HEPHL1: variants seen among roughly 807,000 people sequenced by gnomAD.
The protein encoded by HEPHL1 is ferroxidase HEPHL1.
HEPHL1 carries 123 observed loss-of-function variants against 122.0 expected under a neutral mutation model. The observed-to-expected ratio is 1.01, with a 90% CI of 0.87 to 1.17. HEPHL1 has a LOEUF of 1.17. Ranked by LOEUF, HEPHL1 falls within the 50% of genes most tolerant of loss-of-function variation. The pLI is 0.00. For synonymous variants in HEPHL1, 527 were observed against 508.9 expected, an observed-to-expected ratio of 1.04 and a Z score of -0.48; for missense variants, 1,452 against 1,430.5, an observed-to-expected ratio of 1.01 and a Z score of -0.24.
intron 1 of HEPHL1, among the ~76,000 whole-genome samples, chr11:94,045,131 C>G (rs1338412079): frequency 6.6e-6 from 1 of 152,210 alleles, no homozygotes; most frequent in East Asian, 1.9e-4. Context: ...TGGTCTCAAA[C>G]TCCTAGGCTC....
In HEPHL1 at chr11:94,049,252, C is replaced by G. The variant is rs1405474114; in HGVS notation, c.415+3335C>G. On this transcript the variant is annotated intron_variant, in intron 2 of 19. Coordinates refer to ENST00000315765, the MANE Select transcript of HEPHL1 (RefSeq NM_001098672.2). ...CACTAATCATTGGGGAAATGCAAAT[C>G]AGAACTACAATGAGATCTCATCTTA... 2.6e-5 allele frequency among the ~76,000 whole-genome samples: 4 copies of G among 151,958 alleles called. No individual in the cohort carries two copies. The East Asian group carries it at 7.7e-4, about 29-fold the overall frequency.
At position 94,104,533 on chromosome 11, in the gene HEPHL1, G is replaced by A. The variant is rs117862554; in HGVS notation, c.2688G>A (p.Thr896=). ...YYSTVNFVKD[T]YSGLMGPLIT... ...CAGTTTATTTTTTCTTCCAGGATAC[G>A]TATAGTGGTTTGATGGGTCCTCTGA... The change falls in exon 16 of 20, where the codon ACG becomes ACA. Residue 896 remains threonine, a synonymous_variant. Transcript: ENST00000315765. The A allele has an allele frequency of 4.3e-4, 684 of 1,607,426 alleles. 4 individuals are homozygous for A. The East Asian group carries it at 0.011, about 27-fold the overall frequency.
Position 94,077,005 on chromosome 11 carries a change from T to A in HEPHL1, c.1716+1620T>A, listed in dbSNP as rs1197567245. Among the ~76,000 whole-genome samples, 4 of 152,148 alleles carry A rather than the reference T, an allele frequency of 2.6e-5. No homozygotes were observed. In the East Asian group the frequency reaches 7.7e-4, roughly 29 times the overall value. On this transcript the variant is annotated intron_variant, in intron 9 of 19. Transcript: ENST00000315765. ...CTGACTTATGAAAAAGTAGAAAAAA[T>A]TTACAAAGAATCTTCATGTACCCTT...
rs370227753 is a variant in HEPHL1, at chr11:94,106,117, G to C, written c.3032G>C (p.Ser1011Thr). The C allele has an allele frequency of 1.9e-6, 3 of 1,559,202 alleles. No homozygotes were observed. The highest frequency in any genetic ancestry group is 2.7e-5 in the African/African-American group (2 of 73,738). ...CATACCATCCATTATCATGCTGAGA[G>C]CTTTCTTTTCAAAGTAAGTATAAGG... ...DIHTIHYHAE[S>T]FLFKIDKSYR... Residue 1011 changes from serine (S) to threonine (T), a missense_variant, in exon 17 of 20, where the codon AGC (serine) becomes ACC (threonine). Physicochemically the swap from Ser to Thr is moderately conservative, Grantham distance 58 (BLOSUM62 1). Coordinates refer to ENST00000315765, the MANE Select transcript of HEPHL1 (RefSeq NM_001098672.2).
intron 5 of HEPHL1, among the ~76,000 whole-genome samples, chr11:94,068,273 G>C (rs1490017534): frequency 2.0e-5 from 3 of 152,142 alleles, no homozygotes; most frequent in Non-Finnish European, 4.4e-5. Context: ...CACTGGAAAG[G>C]ACTTTCTGGA....
At chr11:94,026,660 C>G (rs767625233) in intron 1 of HEPHL1, among the ~76,000 whole-genome samples, 11 of 152,168 alleles carry the variant, frequency 7.2e-5, no homozygotes, top group Non-Finnish European at 1.3e-4. Context: ...GGTTAGCACA[C>G]CATGAAGTGG....
rs1330956914 is a variant in HEPHL1, at chr11:94,082,526, G to A, written c.1825G>A (p.Asp609Asn). The A allele has an allele frequency of 6.2e-7, 1 of 1,613,208 alleles. No individual in the cohort carries two copies. Among genetic ancestry groups the A allele is most frequent in the Non-Finnish European group, 8.5e-7 (1 of 1,179,568 alleles). Residue 609 changes from aspartate to asparagine, a missense_variant, in exon 10 of 20, where the codon GAC becomes AAC. Asp to Asn is a conservative substitution (Grantham distance 23). Transcript: ENST00000315765. ...QKFIWHPFSI[D>N]KEDKEFVKSN... ...GTTTATCTGGCATCCCTTCAGCATT[G>A]ACAAAGAAGATAAAGAGTTTGTGAA...
intron 10 of HEPHL1, 80 bp downstream of exon 10, chr11:94,082,648 T>C: frequency 2.2e-6 from 3 of 1,377,542 alleles, no homozygotes; most frequent in Non-Finnish European, 2.0e-6. Flanking sequence ...GTTTGAATTA[T>C]ATTAATTTTG....
At chr11:94,054,050 T>C (rs1314094807) in intron 2 of HEPHL1, among the ~76,000 whole-genome samples, 1 of 152,234 alleles carries the variant, frequency 6.6e-6, no homozygotes, top group Non-Finnish European at 1.5e-5. Flanking sequence ...GAGTTGAGTA[T>C]TGAAATCTTC....
intron 9 of HEPHL1, among the ~76,000 whole-genome samples, chr11:94,081,443 A>C (rs966743891): frequency 5.9e-5 from 9 of 152,214 alleles, no homozygotes; most frequent in African/African-American, 2.2e-4. Context: ...CTGTATCCCA[A>C]AATTTTAAAT....
chr11:94,037,419 C>A (rs1945736310), intron 1 of HEPHL1, among the ~76,000 whole-genome samples: 1 of 152,068 alleles, frequency 6.6e-6, no homozygotes, highest in African/African-American at 2.4e-5. Flanking sequence ...GGGGGCAGGG[C>A]ACAGACAAAC....
At chr11:94,042,872 T>TAAAAAAAAA (rs1181820453) in intron 1 of HEPHL1, among the ~76,000 whole-genome samples, 3 of 1,204 alleles carry the variant, frequency 2.5e-3, no homozygotes, top group Admixed American at 0.017. Context: ...ACTTAAAGTA[T>TAAAAAAAAA]AATAAAAAAA....
At position 94,092,645 on chromosome 11, in the gene HEPHL1, G is replaced by T. The variant is rs187177551; in HGVS notation, c.2295-856G>T. On this transcript the variant is annotated intron_variant, in intron 12 of 19. Transcript: ENST00000315765. ...CCTCAGTGTAAGAAGCCTCTGATGTGCCTTATACATGTGAGAGGGGCTTTG... is the reference window on the plus strand; with the variant it reads ...CCTCAGTGTAAGAAGCCTCTGATGTTCCTTATACATGTGAGAGGGGCTTTG... 3.3e-4 allele frequency among the ~76,000 whole-genome samples: 51 copies of T among 152,250 alleles called. No individual in the cohort carries two copies. The East Asian group carries it at 7.7e-3, about 23-fold the overall frequency.
At chr11:94,065,341 C>A (rs1946024834) in intron 4 of HEPHL1, among the ~76,000 whole-genome samples, 1 of 152,156 alleles carries the variant, frequency 6.6e-6, no homozygotes, top group South Asian at 2.1e-4. Flanking sequence ...TCTAACGTCT[C>A]CATTTTACAG....
Position 94,112,293 on chromosome 11 carries a change from C to T in HEPHL1, c.*399C>T, listed in dbSNP as rs553915348. ...GCTTCTAGAAAAAGTTAGAGTGCCT[C>T]AGACATTTAACTGGAAGGGCACTAC... On this transcript the variant is annotated 3_prime_UTR_variant, in exon 20 of 20. Transcript: ENST00000315765. The T allele has an allele frequency of 3.2e-5, 5 of 156,116 alleles. No individual in the cohort carries two copies. Among genetic ancestry groups the T allele is most frequent in the African/African-American group, 1.2e-4 (5 of 41,760 alleles). The allele number at this position is 156,116 out of a possible 1,614,324, so 9.7% of individuals were successfully genotyped here. A position where few individuals can be genotyped will look rare whatever the true frequency, so the allele number is the denominator to read the frequency against.
In HEPHL1 at chr11:94,062,207, C is replaced by G. The variant is rs567793644; in HGVS notation, c.416-1301C>G. On this transcript the variant is annotated intron_variant, in intron 2 of 19. Transcript: ENST00000315765. ...ATGGGAAGTCAGGTATAAATAGATT[C>G]AAATTTGACTCAAGAACATGCTAGG... Among the ~76,000 whole-genome samples the G allele has an allele frequency of 3.9e-5, 6 of 152,188 alleles. No homozygotes were observed. The South Asian group carries it at 1.0e-3, about 26-fold the overall frequency.
At chr11:94,104,254 G>A (rs1946391412) in intron 15 of HEPHL1, among the ~76,000 whole-genome samples, 1 of 152,110 alleles carries the variant, frequency 6.6e-6, no homozygotes, top group Admixed American at 6.6e-5. Context: ...TTCATTAGGG[G>A]AGCACATGGA....
intron 13 of HEPHL1, among the ~76,000 whole-genome samples, chr11:94,098,459 T>G (rs1322195456): frequency 6.6e-6 from 1 of 152,202 alleles, no homozygotes; most frequent in Non-Finnish European, 1.5e-5. Context: ...TTTCCTTCAT[T>G]TCAGCTTTGG....
chr11:94,071,061 C>G (rs1215684148), intron 6 of HEPHL1, among the ~76,000 whole-genome samples: 1 of 152,094 alleles, frequency 6.6e-6, no homozygotes, highest in Non-Finnish European at 1.5e-5. Flanking sequence ...CTAATGTCAC[C>G]TCTGAAGTGA....
Sources: gnomAD v4.1 joint callset for allele counts (sites outside exome capture counted in the v4.1 genomes callset) on GRCh38, gnomAD v4.1.1 for gene constraint, MANE v1.5 for transcripts, NCBI Gene and HGNC (gene_info 2026-07-23, HGNC 2026-07-21) for gene names.